Variants in TRIM8 observed in about 807,000 individuals in gnomAD.
TRIM8 encodes the protein E3 ubiquitin-protein ligase TRIM8.
TRIM8 carries 9 observed loss-of-function variants against 55.7 expected under a neutral mutation model. That is an observed-to-expected ratio of 0.16 (90% confidence interval 0.10 to 0.28). TRIM8 has a LOEUF of 0.28. Ranked by LOEUF, TRIM8 falls within the 10% of genes least tolerant of loss-of-function variation. TRIM8 has a pLI of 1.00. For missense variants in TRIM8, 556 were observed against 736.4 expected (o/e 0.76, Z 2.83); for synonymous variants, 335 against 333.3 (o/e 1.01, Z -0.06).
At chr10:102,645,477 T>A in intron 1 of TRIM8, 1 of 296,158 alleles carries the variant, frequency 3.4e-6, no homozygotes, top group Non-Finnish European at 6.3e-6. Flanking sequence ...TGCTTTTCTG[T>A]GGTGCGCAGC....
chr10:102,644,515 TG>T lies in TRIM8; in HGVS notation c.-99del. The T allele has an allele frequency of 8.7e-7, 1 of 1,148,012 alleles. No individual in the cohort carries two copies. Among genetic ancestry groups the T allele is most frequent in the Non-Finnish European group, 1.2e-6 (1 of 844,168 alleles). The allele number at this position is 1,148,012 out of a possible 1,614,324, so 71.1% of individuals were successfully genotyped here. ...TGACTGAGCGACCGTCGGGGCCGGCTGGGGCCGGAGCTCGGGGCTCGGTGGG... is the reference window on the plus strand; with the variant it reads ...TGACTGAGCGACCGTCGGGGCCGGCTGGGCCGGAGCTCGGGGCTCGGTGGG... On this transcript the variant is annotated 5_prime_UTR_variant, in exon 1 of 6. Coordinates refer to ENST00000643721, the MANE Select transcript of TRIM8 (RefSeq NM_030912.3).
In TRIM8 at chr10:102,657,503, T is replaced by C; in HGVS notation, c.*149T>C. Reference sequence around the variant, plus strand: ...GGTCTTTTCCTTTTGGATTTTGTTTTGGTTTTGGCTTTGTTTTTGATTTTT... The same window carrying C: ...GGTCTTTTCCTTTTGGATTTTGTTTCGGTTTTGGCTTTGTTTTTGATTTTT... On this transcript the variant is annotated 3_prime_UTR_variant, in exon 6 of 6. Transcript: ENST00000643721. 1 of 1,068,790 alleles carries C rather than the reference T, an allele frequency of 9.4e-7. No homozygotes were observed. The highest frequency in any genetic ancestry group is 1.3e-6 in the Non-Finnish European group (1 of 774,458). 66.2% of individuals were successfully genotyped at this position (1,068,790 alleles called of 1,614,324 possible). A position where few individuals can be genotyped will look rare whatever the true frequency, so the allele number is the denominator to read the frequency against.
rs566815237 is a variant in TRIM8 at position 102,656,199 on chromosome 10, C to G, written c.932+62C>G. On this transcript the variant is annotated intron_variant, in intron 4 of 5. Transcript: ENST00000643721. This position sits in a 1 kb window ranked among gnomAD's most constrained non-coding sequence, Gnocchi z 4.6. ...CTGGGGAGGGCAGGGGGGCCAGGCC[C>G]ATGGCGGGGAGGTAGGGCGGGCTCA... 1.2e-6 allele frequency: 2 copies of G among 1,614,128 alleles called. No homozygotes were observed. Among genetic ancestry groups the G allele is most frequent in the East Asian group, 2.2e-5 (1 of 44,876 alleles).
At chr10:102,649,125 G>T (rs1590105537) in intron 1 of TRIM8, 1 of 152,434 alleles carries the variant, frequency 6.6e-6, no homozygotes, top group Non-Finnish European at 1.5e-5. Flanking sequence ...TCTCACATGG[G>T]TGTCTCTGAG....
In TRIM8 at chr10:102,657,215, T is replaced by C. The variant is rs1229805074; in HGVS notation, c.1517T>C (p.Leu506Pro). 2.4e-5 allele frequency: 38 copies of C among 1,613,772 alleles called. No individual in the cohort carries two copies. Among genetic ancestry groups the C allele is most frequent in the Non-Finnish European group, 3.2e-5 (38 of 1,179,912 alleles). The stretch of plus-strand genomic sequence containing the variant: ...CCCTCGCAGGAGTACTCACACCCGC[T>C]CCCGCCCACACCCTCCGTCCCCCAG... ...TVPSQEYSHP[L>P]PPTPSVPQSL... The change falls in exon 6 of 6, where the codon CTC becomes CCC. Residue 506 changes from leucine to proline, a missense_variant. Transcript: ENST00000643721.
At position 102,655,172 on chromosome 10, in the gene TRIM8, C is replaced by G. The variant is rs749750903; in HGVS notation, c.759C>G (p.Val253=). 3.3e-5 allele frequency: 53 copies of G among 1,611,502 alleles called. 1 individual carries two copies. In the East Asian group the frequency reaches 1.0e-3, roughly 32 times the overall value. ...LDEDLRQTVE[V]LDKAQAKFCS... ...AGGACCTGCGGCAGACAGTGGAGGT[C>G]CTAGACAAGGCCCAGGCCAAGTTCT... The change falls in exon 3 of 6, where the codon GTC becomes GTG. Residue 253 remains valine, a synonymous_variant. Coordinates refer to ENST00000643721, the MANE Select transcript of TRIM8 (RefSeq NM_030912.3).
intron 1 of TRIM8, among the ~76,000 whole-genome samples, chr10:102,646,930 G>A (rs1306562057): frequency 6.6e-6 from 1 of 152,226 alleles, no homozygotes; most frequent in African/African-American, 2.4e-5. Flanking sequence ...TGCTGTAGCT[G>A]GTCTGAGTTC....
rs2064033726 is a variant in TRIM8, at chr10:102,657,218, C to T, written c.1520C>T (p.Pro507Leu). ...VPSQEYSHPL[P>L]PTPSVPQSLP... ...TCGCAGGAGTACTCACACCCGCTCC[C>T]GCCCACACCCTCCGTCCCCCAGTCC... Residue 507 changes from proline (P) to leucine (L), a missense_variant, in exon 6 of 6, where the codon CCG becomes CTG. This residue lies in a region of TRIM8 where 391 missense variants were observed against 441.0 expected (regional missense o/e 0.89). Transcript: ENST00000643721. 6.2e-7 allele frequency: 1 copy of T among 1,614,012 alleles called. No individual in the cohort carries two copies. The highest frequency in any genetic ancestry group is 8.5e-7 in the Non-Finnish European group (1 of 1,179,974).
chr10:102,656,693 G>A lies in TRIM8; in HGVS notation c.1049-54G>A. 3 of 1,506,808 alleles carry A rather than the reference G, an allele frequency of 2.0e-6. No homozygotes were observed. The highest frequency in any genetic ancestry group is 2.7e-6 in the Non-Finnish European group (3 of 1,129,804). The allele number at this position is 1,506,808 out of a possible 1,614,324, so 93.3% of individuals were successfully genotyped here. On this transcript the variant is annotated intron_variant, in intron 5 of 5. Coordinates refer to ENST00000643721, the MANE Select transcript of TRIM8 (RefSeq NM_030912.3). The surrounding 1 kb of genome is among the most constrained non-coding windows in gnomAD (Gnocchi z 4.6). ...CCCAGGTCCAACCCAGGGAGAGGAGGCCTGGGTTGCTTGGGGTGGGAGCTT... is the reference window on the plus strand; with the variant it reads ...CCCAGGTCCAACCCAGGGAGAGGAGACCTGGGTTGCTTGGGGTGGGAGCTT...
Position 102,657,249 on chromosome 10 carries a change from C to T in TRIM8, c.1551C>T (p.Pro517=), listed in dbSNP as rs140447881. Reference sequence around the variant, plus strand: ...CACCCTCCGTCCCCCAGTCCCTTCCCAGCCTGGCGGTCAGAGACTGGCTTG... The same window carrying T: ...CACCCTCCGTCCCCCAGTCCCTTCCTAGCCTGGCGGTCAGAGACTGGCTTG... ...PPTPSVPQSL[P]SLAVRDWLDA... The change falls in exon 6 of 6, where the codon CCC becomes CCT. Residue 517 remains proline (P), a synonymous_variant. Coordinates refer to ENST00000643721, the MANE Select transcript of TRIM8 (RefSeq NM_030912.3). The T allele has an allele frequency of 4.3e-6, 7 of 1,613,996 alleles. No homozygotes were observed. The highest frequency in any genetic ancestry group is 5.9e-6 in the Non-Finnish European group (7 of 1,180,016).
At chr10:102,655,342 G>C in intron 3 of TRIM8, 29 bp downstream of exon 3, 1 of 1,588,488 alleles carries the variant, frequency 6.3e-7, no homozygotes, top group East Asian at 2.2e-5. Context: ...CAGGCTGGTG[G>C]CACCCAGAGG....
rs752746481 is a variant in TRIM8 at position 102,657,272 on chromosome 10, T to C, written c.1574T>C (p.Leu525Pro). The change falls in exon 6 of 6, where the codon CTT becomes CCT. Residue 525 changes from leucine to proline, a missense_variant. Leu to Pro is a moderately conservative substitution (Grantham distance 98, BLOSUM62 -3). Around this residue, in one of 2 missense-constraint regions of TRIM8, gnomAD observed 391 missense variants for 441.0 expected, o/e 0.89. Coordinates refer to ENST00000643721, the MANE Select transcript of TRIM8 (RefSeq NM_030912.3). Reference sequence around the variant, plus strand: ...CCCAGCCTGGCGGTCAGAGACTGGCTTGACGCCTCCCAGCAGCCCGGCCAC... The same window carrying C: ...CCCAGCCTGGCGGTCAGAGACTGGCCTGACGCCTCCCAGCAGCCCGGCCAC... ...SLPSLAVRDW[L>P]DASQQPGHQD... The C allele has an allele frequency of 1.9e-6, 3 of 1,613,718 alleles. No homozygotes were observed. The East Asian group carries it at 6.7e-5, about 36-fold the overall frequency.
intron 1 of TRIM8, among the ~76,000 whole-genome samples, chr10:102,651,967 G>C (rs1470056980): frequency 6.6e-6 from 1 of 152,212 alleles, no homozygotes; most frequent in Non-Finnish European, 1.5e-5. Context: ...ATGTGCGTGC[G>C]CAGCTTTGTG....
rs2064038566 is a variant in TRIM8, at chr10:102,657,601, G to A, written c.*247G>A. The A allele has an allele frequency of 2.2e-6, 1 of 463,438 alleles. No homozygotes were observed. Among genetic ancestry groups the A allele is most frequent in the African/African-American group, 2.0e-5 (1 of 49,702 alleles). 28.7% of individuals were successfully genotyped at this position (463,438 alleles called of 1,614,324 possible). On this transcript the variant is annotated 3_prime_UTR_variant, in exon 6 of 6. Transcript: ENST00000643721. ...TGGGCCAGGACGGCAGGTGGCCCTG[G>A]AGATGGGAAAGTGTCTGTGTCGAGG... is the stretch of plus-strand genomic sequence containing the variant.
chr10:102,647,227 T>C (rs1465055379), intron 1 of TRIM8, among the ~76,000 whole-genome samples: 1 of 150,874 alleles, frequency 6.6e-6, no homozygotes, highest in Non-Finnish European at 1.5e-5. Context: ...GCAGGGTGTG[T>C]GTGTGCGTGT....
Position 102,656,418 on chromosome 10 carries a change from G to A in TRIM8, c.1048+33G>A. 6.3e-7 allele frequency: 1 copy of A among 1,584,964 alleles called. No homozygotes were observed. Among genetic ancestry groups the A allele is most frequent in the Non-Finnish European group, 8.6e-7 (1 of 1,164,216 alleles). ...TGGGGTGTTCCGCCGAAGGGAGACA[G>A]GGACCTTTGGGGAGGGGTTCAGCGC... On this transcript the variant is annotated intron_variant, in intron 5 of 5. Transcript: ENST00000643721. This position sits in a 1 kb window ranked among gnomAD's most constrained non-coding sequence, Gnocchi z 4.6.
chr10:102,654,909 G>A lies in TRIM8; in HGVS notation c.666+161G>A, dbSNP rs1000497655. On this transcript the variant is annotated intron_variant, in intron 2 of 5. Coordinates refer to ENST00000643721, the MANE Select transcript of TRIM8 (RefSeq NM_030912.3). ...ATGCCCACTGGTGCCAGGGGATGCT[G>A]GCCCAGAGCCCTGTGCTACCAGTGG... 6 of 927,620 alleles carry A rather than the reference G, an allele frequency of 6.5e-6. No homozygotes were observed. The African/African-American group carries it at 9.9e-5, about 15-fold the overall frequency. The allele number at this position is 927,620 out of a possible 1,614,324, so 57.5% of individuals were successfully genotyped here. A position where few individuals can be genotyped will look rare whatever the true frequency, so the allele number is the denominator to read the frequency against.
At position 102,657,846 on chromosome 10, in the gene TRIM8, CTTTTGT is replaced by C. The variant is rs1332754721; in HGVS notation, c.*503_*508del. 1 of 152,928 alleles carries C rather than the reference CTTTTGT, an allele frequency of 6.5e-6. No homozygotes were observed. The highest frequency in any genetic ancestry group is 1.5e-5 in the Non-Finnish European group (1 of 68,406). 9.5% of individuals were successfully genotyped at this position (152,928 alleles called of 1,614,324 possible). On this transcript the variant is annotated 3_prime_UTR_variant, in exon 6 of 6. Transcript: ENST00000643721. ...AAGGAATGACCTTTAGATTGTGCGA[CTTTTGT>C]TTTTGTTTTTTTAAATTTTTTTAAA... is the stretch of plus-strand genomic sequence containing the variant.
chr10:102,657,025 C>G lies in TRIM8; in HGVS notation c.1327C>G (p.Pro443Ala), dbSNP rs561431223. Residue 443 changes from proline to alanine, a missense_variant, in exon 6 of 6, where the codon CCA becomes GCA. Physicochemically the swap from Pro to Ala is conservative, Grantham distance 27. Coordinates refer to ENST00000643721, the MANE Select transcript of TRIM8 (RefSeq NM_030912.3). Reference sequence around the variant, plus strand: ...AGTGCACTCAAGCCCCGTGTTCCCCCCATCGCAGTATCCCAATGGCTCCGC... The same window carrying G: ...AGTGCACTCAAGCCCCGTGTTCCCCGCATCGCAGTATCCCAATGGCTCCGC... ...QPVHSSPVFP[P>A]SQYPNGSAAQ... 5.0e-6 allele frequency: 8 copies of G among 1,612,846 alleles called. No individual in the cohort carries two copies. The highest frequency in any genetic ancestry group is 2.2e-5 in the South Asian group (2 of 91,082).
Sources: allele counts gnomAD v4.1 joint callset (sites outside exome capture counted in the v4.1 genomes callset), GRCh38; gene constraint gnomAD v4.1.1; regional missense constraint gnomAD v4.1.1; non-coding constraint Gnocchi (gnomAD v3.1); transcripts MANE v1.5; gene names NCBI Gene and HGNC (gene_info 2026-07-23, HGNC 2026-07-21).